The following MYO1E variants were observed in gnomAD, a reference collection of about 807,000 sequenced individuals.
MYO1E encodes myosin IE.
Under a neutral mutation model 151.1 loss-of-function variants are expected in MYO1E, and 68 were observed. The observed-to-expected ratio is 0.45, with a 90% CI of 0.37 to 0.55. MYO1E has a LOEUF of 0.55. MYO1E is among the 20% of genes least tolerant of loss of function. The pLI is 0.00. For synonymous variants in MYO1E, 601 were observed against 501.7 expected (o/e 1.20, Z -2.64); for missense variants, 1,363 against 1,389.3 (o/e 0.98, Z 0.30).
At chr15:59,160,113 G>A (rs191279676) in intron 24 of MYO1E, among the ~76,000 whole-genome samples, 230 of 152,254 alleles carry the variant, frequency 1.5e-3, no homozygotes, top group African/African-American at 5.2e-3. Flanking sequence ...AGGGATTATA[G>A]GCATGAGCCA....
chr15:59,260,897 G>C (rs1273298848), intron 3 of MYO1E, among the ~76,000 whole-genome samples: 1 of 152,212 alleles, frequency 6.6e-6, no homozygotes, highest in South Asian at 2.1e-4. Context: ...TCAAATATTA[G>C]ACAGTCCTAA....
chr15:59,275,621 C>G (rs1250598637), intron 1 of MYO1E, among the ~76,000 whole-genome samples: 1 of 152,104 alleles, frequency 6.6e-6, no homozygotes, highest in Non-Finnish European at 1.5e-5. Flanking sequence ...TTTATTCTCC[C>G]CACTCCCCTA....
intron 1 of MYO1E, among the ~76,000 whole-genome samples, chr15:59,360,611 C>T (rs776208333): frequency 1.3e-5 from 2 of 152,076 alleles, no homozygotes; most frequent in Non-Finnish European, 2.9e-5. Flanking sequence ...AATGATTTTC[C>T]TTCTTGTTGT....
At chr15:59,253,952 A>T (rs2080180043) in intron 4 of MYO1E, among the ~76,000 whole-genome samples, 1 of 150,720 alleles carries the variant, frequency 6.6e-6, no homozygotes, top group South Asian at 2.1e-4. Flanking sequence ...GGAAGGGAAA[A>T]TTGTTAAAGA....
At chr15:59,185,916 A>G (rs2079694706) in intron 18 of MYO1E, among the ~76,000 whole-genome samples, 1 of 152,200 alleles carries the variant, frequency 6.6e-6, no homozygotes, top group Non-Finnish European at 1.5e-5. Context: ...ACTTCGCAGC[A>G]AAGAATCTTC....
At chr15:59,214,517 G>A (rs1479507812) in intron 11 of MYO1E, 123 bp downstream of exon 11, 7 of 1,071,508 alleles carry the variant, frequency 6.5e-6, no homozygotes, top group Non-Finnish European at 1.0e-5. Flanking sequence ...AGCCTGAGTT[G>A]TTTTTTTTGT....
intron 17 of MYO1E, 68 bp downstream of exon 17, chr15:59,195,393 G>T: frequency 7.4e-7 from 1 of 1,357,454 alleles, no homozygotes; most frequent in Non-Finnish European, 1.1e-6. Context: ...TGCCTGTGAT[G>T]GAGGACGGCT....
intron 9 of MYO1E, among the ~76,000 whole-genome samples, chr15:59,219,747 T>C (rs977266304): frequency 1.3e-5 from 2 of 152,222 alleles, no homozygotes; most frequent in Non-Finnish European, 2.9e-5. Context: ...TGGATATGTC[T>C]TCCAGTGAAC....
chr15:59,207,729 G>C (rs750351304), intron 14 of MYO1E: 3 of 1,614,154 alleles, frequency 1.9e-6, no homozygotes, highest in Non-Finnish European at 2.5e-6. Context: ...TGAAGGATCT[G>C]AACTCTGATA....
In MYO1E at chr15:59,205,261, C is replaced by G. The variant is rs962977942; in HGVS notation, c.1616+139G>C. Reference sequence around the variant, plus strand: ...CAGTGCAGCCTCAAACTCCTAGGATCAAGTGATCCTCCTGCCTTAGCCTCC... The same window carrying G: ...CAGTGCAGCCTCAAACTCCTAGGATGAAGTGATCCTCCTGCCTTAGCCTCC... On this transcript the variant is annotated intron_variant, in intron 15 of 27. Coordinates refer to ENST00000288235, the MANE Select transcript of MYO1E (RefSeq NM_004998.4). 2.7e-5 allele frequency: 23 copies of G among 865,964 alleles called. No homozygotes were observed. The Middle Eastern group carries it at 8.8e-4, about 33-fold the overall frequency. The allele number at this position is 865,964 out of a possible 1,614,324, so 53.6% of individuals were successfully genotyped here.
intron 17 of MYO1E, among the ~76,000 whole-genome samples, chr15:59,192,426 G>T (rs904214398): frequency 2.6e-5 from 4 of 152,222 alleles, no homozygotes; most frequent in African/African-American, 9.6e-5. Context: ...TTTTTACAAG[G>T]AAGTAGCATC....
intron 1 of MYO1E, among the ~76,000 whole-genome samples, chr15:59,346,800 C>G (rs2080796511): frequency 6.6e-6 from 1 of 151,954 alleles, no homozygotes; most frequent in African/African-American, 2.4e-5. Context: ...AGCTGTAGTT[C>G]CAGCTACTCA....
chr15:59,199,135 G>A (rs1315301934), intron 16 of MYO1E, among the ~76,000 whole-genome samples: 7 of 152,050 alleles, frequency 4.6e-5, no homozygotes, highest in South Asian at 2.1e-4. Context: ...TCGCTCTGTC[G>A]CCCAGGCTGG....
intron 1 of MYO1E, among the ~76,000 whole-genome samples, chr15:59,344,694 A>C (rs560619136): frequency 1.3e-5 from 2 of 152,332 alleles, no homozygotes; most frequent in Non-Finnish European, 2.9e-5. Flanking sequence ...ACTGTGGCTA[A>C]GCTGGCACCA....
chr15:59,149,849 T>G (rs746707135), intron 26 of MYO1E, among the ~76,000 whole-genome samples: 1 of 152,196 alleles, frequency 6.6e-6, no homozygotes, highest in African/African-American at 2.4e-5. Context: ...AGAACTTTGA[T>G]GTATAGGAAT....
chr15:59,299,093 A>T (rs2080467697), intron 1 of MYO1E, among the ~76,000 whole-genome samples: 1 of 152,222 alleles, frequency 6.6e-6, no homozygotes. Flanking sequence ...TGCTCTGCCA[A>T]TATTACGGCC....
intron 1 of MYO1E, among the ~76,000 whole-genome samples, chr15:59,297,958 G>T (rs901655924): frequency 6.6e-6 from 1 of 152,110 alleles, no homozygotes; most frequent in African/African-American, 2.4e-5. Flanking sequence ...CCTGATATTT[G>T]TCATACTTAG....
chr15:59,225,120 C>G (rs1389764617), intron 7 of MYO1E, among the ~76,000 whole-genome samples: 1 of 152,218 alleles, frequency 6.6e-6, no homozygotes. Context: ...TTAGTTCCTG[C>G]CCAACTTGCT....
rs1398897497 is a variant in MYO1E at position 59,268,640 on chromosome 15, A to G, written c.147+3666T>C. On this transcript the variant is annotated intron_variant, in intron 2 of 27. Transcript: ENST00000288235. The stretch of plus-strand genomic sequence containing the variant: ...AGAAAGCACACATATATGCATGGCC[A>G]TATGTGGTTAAACTGAAAGCTCTAC... Among the ~76,000 whole-genome samples, 5 of 150,080 alleles carry G rather than the reference A, an allele frequency of 3.3e-5. No individual in the cohort carries two copies. In the South Asian group the frequency reaches 6.3e-4, roughly 19 times the overall value.
Sources: gnomAD v4.1 joint callset for allele counts (sites outside exome capture counted in the v4.1 genomes callset) on GRCh38, gnomAD v4.1.1 for gene constraint, MANE v1.5 for transcripts, NCBI Gene and HGNC (gene_info 2026-07-23, HGNC 2026-07-21) for gene names.